CRIM1: variants seen among roughly 807,000 people sequenced by gnomAD.
The protein encoded by CRIM1 is cysteine rich transmembrane BMP regulator 1, also known as cysteine-rich motor neuron 1 protein.
A neutral mutation model predicts 116.4 loss-of-function variants in CRIM1; 32 were observed. The ratio of observed to expected loss-of-function variants is 0.27; its 90% CI spans 0.21 to 0.37. CRIM1 has a LOEUF of 0.37. Among genes scored for constraint, CRIM1 ranks in the 10% least tolerant of loss-of-function variants. The pLI, the probability that CRIM1 is intolerant of heterozygous loss-of-function variation, is 1.00. For missense variants in CRIM1, 1,331 were observed against 1,354.8 expected (o/e 0.98, Z 0.28); for synonymous variants, 590 against 509.2 (o/e 1.16, Z -2.13).
intron 1 of CRIM1, among the ~76,000 whole-genome samples, chr2:36,390,945 G>A (rs1268307020): frequency 6.6e-6 from 1 of 151,720 alleles, no homozygotes; most frequent in East Asian, 1.9e-4. Flanking sequence ...AATTAGCTGG[G>A]ATTACAGGCA....
At chr2:36,424,680 A>C (rs557055647) in intron 2 of CRIM1, among the ~76,000 whole-genome samples, 1 of 152,258 alleles carries the variant, frequency 6.6e-6, no homozygotes, top group South Asian at 2.1e-4. Context: ...CAAAACCCTG[A>C]TAAAAATTTC....
rs192566754 is a variant in CRIM1, at chr2:36,399,795, A to G, written c.505+3008A>G. ...AAAATTGTTTGTTTCTCAGGGAAGT[A>G]TAAAAGAAGGTCATCATCTGACATT... On this transcript the variant is annotated intron_variant, in intron 2 of 16. Coordinates refer to ENST00000280527, the MANE Select transcript of CRIM1 (RefSeq NM_016441.3). Among the ~76,000 whole-genome samples the G allele has an allele frequency of 3.9e-5, 6 of 152,362 alleles. No homozygotes were observed. The East Asian group carries it at 1.2e-3, about 29-fold the overall frequency.
intron 6 of CRIM1, among the ~76,000 whole-genome samples, chr2:36,477,496 G>A (rs952931686): frequency 6.6e-6 from 1 of 152,208 alleles, no homozygotes; most frequent in African/African-American, 2.4e-5. Flanking sequence ...GCCCAGAGAG[G>A]AACTAACTCT....
intron 2 of CRIM1, among the ~76,000 whole-genome samples, chr2:36,440,860 G>A (rs1675764010): frequency 6.6e-6 from 1 of 152,150 alleles, no homozygotes. Context: ...TGTGTTTTAA[G>A]GTACACTGTT....
chr2:36,504,150 A>T (rs1340378196), intron 8 of CRIM1, among the ~76,000 whole-genome samples: 1 of 152,186 alleles, frequency 6.6e-6, no homozygotes, highest in African/African-American at 2.4e-5. Context: ...CTGAGATTAC[A>T]GGTGTGAGGC....
In CRIM1 at chr2:36,356,395, C is replaced by T; in HGVS notation, c.103C>T (p.Leu35=). 6.2e-7 allele frequency: 1 copy of T among 1,603,624 alleles called. No homozygotes were observed. Among genetic ancestry groups the T allele is most frequent in the South Asian group, 1.1e-5 (1 of 89,990 alleles). Residue 35 remains leucine, a synonymous_variant, in exon 1 of 17, where the codon CTG becomes TTG. Coordinates refer to ENST00000280527, the MANE Select transcript of CRIM1 (RefSeq NM_016441.3). The surrounding 1 kb of genome is among the most constrained non-coding windows in gnomAD (Gnocchi z 4.3). ...LLLARSGTRA[L]VCLPCDESKC... ...GCTGGCGCGCTCCGGCACCCGGGCG[C>T]TGGTCTGCCTGCCCTGTGACGAGTC... is the stretch of plus-strand genomic sequence containing the variant.
chr2:36,375,644 A>T (rs533892430), intron 1 of CRIM1, among the ~76,000 whole-genome samples: 1 of 152,360 alleles, frequency 6.6e-6, no homozygotes, highest in East Asian at 1.9e-4. Flanking sequence ...TAGTCCAGAA[A>T]ACCCTGAACC....
At chr2:36,425,407 C>T (rs1374614153) in intron 2 of CRIM1, among the ~76,000 whole-genome samples, 1 of 152,114 alleles carries the variant, frequency 6.6e-6, no homozygotes, top group African/African-American at 2.4e-5. Flanking sequence ...TGGTACAGGT[C>T]GGTGTTAGAC....
At position 36,515,137 on chromosome 2, in the gene CRIM1, C is replaced by A. The variant is rs529090975; in HGVS notation, c.1990+1372C>A. On this transcript the variant is annotated intron_variant, in intron 11 of 16. Transcript: ENST00000280527. ...TCATGTGTTTGCATGAAGACCCCTG[C>A]TTTAATTATAGGTGTGAATGCATAG... is the stretch of plus-strand genomic sequence containing the variant. Among the ~76,000 whole-genome samples, 4 of 152,274 alleles carry A rather than the reference C, an allele frequency of 2.6e-5. No individual in the cohort carries two copies. In the South Asian group the frequency reaches 8.3e-4, roughly 32 times the overall value.
At chr2:36,471,433 C>T (rs1240701349) in intron 5 of CRIM1, among the ~76,000 whole-genome samples, 3 of 152,126 alleles carry the variant, frequency 2.0e-5, no homozygotes, top group Admixed American at 2.0e-4. Context: ...CCACCCCAAC[C>T]TTCAGCAACC....
intron 13 of CRIM1, among the ~76,000 whole-genome samples, chr2:36,533,077 G>A (rs1666223009): frequency 1.3e-5 from 2 of 152,186 alleles, no homozygotes; most frequent in Admixed American, 1.3e-4. Context: ...TCTTCAGGCT[G>A]AGTGCTTAAA....
At chr2:36,469,019 G>C (rs1428344531) in intron 5 of CRIM1, among the ~76,000 whole-genome samples, 6 of 152,222 alleles carry the variant, frequency 3.9e-5, no homozygotes, top group Admixed American at 3.3e-4. Flanking sequence ...ATAGAAGCCA[G>C]TTGAAACTAC....
intron 2 of CRIM1, among the ~76,000 whole-genome samples, chr2:36,405,100 A>G (rs1672688340): frequency 6.6e-6 from 1 of 152,182 alleles, no homozygotes; most frequent in South Asian, 2.1e-4. Context: ...TTGTCAGTAA[A>G]CAAATCTTTA....
chr2:36,522,842 T>C (rs1435345378), intron 13 of CRIM1, among the ~76,000 whole-genome samples: 1 of 149,202 alleles, frequency 6.7e-6, no homozygotes, highest in Non-Finnish European at 1.5e-5. Context: ...GAGAAAGAAA[T>C]GTTCTCTGAG....
chr2:36,395,546 G>A (rs1331219952), intron 1 of CRIM1, among the ~76,000 whole-genome samples: 1 of 152,142 alleles, frequency 6.6e-6, no homozygotes, highest in Non-Finnish European at 1.5e-5. Flanking sequence ...TTCCTATGAG[G>A]AATATTATGA....
intron 1 of CRIM1, among the ~76,000 whole-genome samples, chr2:36,391,493 G>C (rs1205532150): frequency 6.6e-6 from 1 of 152,134 alleles, no homozygotes; most frequent in African/African-American, 2.4e-5. Context: ...CAGAACCGCT[G>C]TATTATACTG....
At chr2:36,366,245 G>C (rs1328852244) in intron 1 of CRIM1, among the ~76,000 whole-genome samples, 1 of 152,030 alleles carries the variant, frequency 6.6e-6, no homozygotes, top group Non-Finnish European at 1.5e-5. Context: ...TCGCATAGTA[G>C]AAATTGGATT....
intron 7 of CRIM1, among the ~76,000 whole-genome samples, chr2:36,485,342 A>G (rs72866825): frequency 0.022 from 3,333 of 152,306 alleles, 121 homozygotes; most frequent in African/African-American, 0.076. Context: ...TGGATTTAGT[A>G]AGCCACTTCA....
intron 1 of CRIM1, among the ~76,000 whole-genome samples, chr2:36,391,887 T>G (rs1279521410): frequency 6.6e-6 from 1 of 152,150 alleles, no homozygotes; most frequent in Non-Finnish European, 1.5e-5. Context: ...GTTACTGTAT[T>G]CACCGTGTAC....
Sources: allele counts gnomAD v4.1 joint callset (sites outside exome capture counted in the v4.1 genomes callset), GRCh38; gene constraint gnomAD v4.1.1; non-coding constraint Gnocchi (gnomAD v3.1); transcripts MANE v1.5; gene names NCBI Gene and HGNC (gene_info 2026-07-23, HGNC 2026-07-21).